Variants in PRR16 observed in about 807,000 individuals in gnomAD.
The protein encoded by PRR16 is proline rich 16.
Under a neutral mutation model 18.2 loss-of-function variants are expected in PRR16, and 6 were observed. That is an observed-to-expected ratio of 0.33 (90% confidence interval 0.18 to 0.65). The LOEUF is 0.65. Among genes scored for constraint, PRR16 ranks in the 30% least tolerant of loss-of-function variants. PRR16 has a pLI of 0.74. For missense variants in PRR16, 412 were observed against 376.6 expected (o/e 1.09, Z -0.78); for synonymous variants, 151 against 147.8 (o/e 1.02, Z -0.16).
intron 1 of PRR16, among the ~76,000 whole-genome samples, chr5:120,542,169 G>A (rs1163353624): frequency 1.3e-5 from 2 of 152,066 alleles, no homozygotes; most frequent in African/African-American, 2.4e-5. Flanking sequence ...TTAGTGCCTC[G>A]AGTCAGCTTG....
rs573194413 is a variant in PRR16 at position 120,640,774 on chromosome 5, A to C, written c.160-45180A>C. On this transcript the variant is annotated intron_variant, in intron 1 of 1. Transcript: ENST00000407149. Reference sequence around the variant, plus strand: ...AAAAATATAAACAAATCAAAACAAAACACAATTCTTCTCCCTTGCTTCTCT... The same window carrying C: ...AAAAATATAAACAAATCAAAACAAACCACAATTCTTCTCCCTTGCTTCTCT... Among the ~76,000 whole-genome samples, 29 of 152,224 alleles carry C rather than the reference A, an allele frequency of 1.9e-4. 2 individuals carry two copies. The South Asian group carries it at 4.8e-3, about 25-fold the overall frequency.
chr5:120,472,939 T>G (rs1184670418), intron 1 of PRR16, among the ~76,000 whole-genome samples: 1 of 152,200 alleles, frequency 6.6e-6, no homozygotes, highest in East Asian at 1.9e-4. Flanking sequence ...CATTGTAAAT[T>G]AAGCATATTC....
At position 120,508,680 on chromosome 5, in the gene PRR16, G is replaced by C. The variant is rs142072266; in HGVS notation, c.159+44035G>C. ...ATAAATTGTGTCTTTAATTAACAGA[G>C]ACTTATTTGGATAACGTCATTCTGC... On this transcript the variant is annotated intron_variant, in intron 1 of 1. Transcript: ENST00000407149. Among the ~76,000 whole-genome samples the C allele has an allele frequency of 8.1e-3, 1,228 of 152,150 alleles. 18 individuals carry two copies. Among genetic ancestry groups the C allele is most frequent in the African/African-American group, 0.028 (1,153 of 41,518 alleles).
At chr5:120,782,461 G>A in the PRR16 span, among the ~76,000 whole-genome samples, 13 of 152,242 alleles carry the variant, frequency 8.5e-5, no homozygotes, top group East Asian at 5.8e-4. Context: ...ACAGTGACAC[G>A]TGACTAGGAT....
the PRR16 span, among the ~76,000 whole-genome samples, chr5:120,757,379 C>T: frequency 1.4e-4 from 22 of 151,950 alleles, no homozygotes; most frequent in East Asian, 5.8e-4. Flanking sequence ...TGACAGTAAT[C>T]GCGTTGACTC....
intron 1 of PRR16, among the ~76,000 whole-genome samples, chr5:120,614,837 T>C (rs1470893245): frequency 1.3e-5 from 2 of 152,174 alleles, no homozygotes; most frequent in African/African-American, 2.4e-5. Flanking sequence ...CATGCAGAAT[T>C]TGGCTCTTTC....
At chr5:120,569,479 G>A (rs10519639) in intron 1 of PRR16, among the ~76,000 whole-genome samples, 31,827 of 152,076 alleles carry the variant, frequency 0.21, 3,501 homozygotes, top group Non-Finnish European at 0.21. Flanking sequence ...AATACGCACA[G>A]ATGCAGTGTG....
chr5:120,763,533 T>C, the PRR16 span, among the ~76,000 whole-genome samples: 3 of 152,146 alleles, frequency 2.0e-5, no homozygotes, highest in Non-Finnish European at 2.9e-5. Context: ...TTGCTTTGAC[T>C]GTTTGAGCTT....
the PRR16 span, among the ~76,000 whole-genome samples, chr5:120,733,016 G>GAAT: frequency 6.6e-6 from 1 of 152,180 alleles, no homozygotes; most frequent in Non-Finnish European, 1.5e-5. Flanking sequence ...TGACAAAATG[G>GAAT]AATGGAAGCC....
intron 1 of PRR16, among the ~76,000 whole-genome samples, chr5:120,647,110 T>C (rs1284919926): frequency 6.6e-6 from 1 of 151,922 alleles, no homozygotes; most frequent in Non-Finnish European, 1.5e-5. Flanking sequence ...AAATTATTAA[T>C]GATTTATAGA....
At chr5:120,676,543 T>TGTGTGC (rs1275205528) in intron 1 of PRR16, among the ~76,000 whole-genome samples, 2 of 150,654 alleles carry the variant, frequency 1.3e-5, no homozygotes, top group Non-Finnish European at 3.0e-5. Context: ...TGTGTGTGTG[T>TGTGTGC]GTGTGCGTGT....
At chr5:120,607,230 T>A (rs1291897922) in intron 1 of PRR16, among the ~76,000 whole-genome samples, 1 of 152,188 alleles carries the variant, frequency 6.6e-6, no homozygotes, top group Non-Finnish European at 1.5e-5. Flanking sequence ...AGAATATATA[T>A]CTTAGATTTC....
At chr5:120,471,879 A>G (rs544647526) in intron 1 of PRR16, among the ~76,000 whole-genome samples, 8 of 152,268 alleles carry the variant, frequency 5.3e-5, no homozygotes, top group African/African-American at 1.9e-4. Context: ...TAGACTCACA[A>G]GGTAGTCTGT....
chr5:120,744,230 G>C, the PRR16 span, among the ~76,000 whole-genome samples: 2 of 152,148 alleles, frequency 1.3e-5, no homozygotes, highest in Non-Finnish European at 2.9e-5. Context: ...GTATGTGAAA[G>C]CGCTGGCAGG....
intron 1 of PRR16, among the ~76,000 whole-genome samples, chr5:120,676,040 A>G (rs1756782868): frequency 6.6e-6 from 1 of 152,174 alleles, no homozygotes; most frequent in Non-Finnish European, 1.5e-5. Flanking sequence ...AATTTAGTAA[A>G]AATTTTTAAG....
intron 1 of PRR16, among the ~76,000 whole-genome samples, chr5:120,480,145 C>A (rs576164335): frequency 6.6e-6 from 1 of 152,050 alleles, no homozygotes; most frequent in Non-Finnish European, 1.5e-5. Context: ...CACAGCAGTA[C>A]GAGCCTGTAA....
At chr5:120,610,660 A>G (rs1490899914) in intron 1 of PRR16, among the ~76,000 whole-genome samples, 1 of 152,138 alleles carries the variant, frequency 6.6e-6, no homozygotes, top group Admixed American at 6.5e-5. Context: ...GCCATGTAAG[A>G]AGTGCCCTTC....
At chr5:120,664,289 ACT>A (rs1299665587) in intron 1 of PRR16, among the ~76,000 whole-genome samples, 2 of 146,464 alleles carry the variant, frequency 1.4e-5, no homozygotes, top group African/African-American at 5.0e-5. Context: ...ACAGAGTGAA[ACT>A]CTGTCTCAAA....
intron 1 of PRR16, among the ~76,000 whole-genome samples, chr5:120,562,589 G>A (rs1373358183): frequency 6.6e-6 from 1 of 151,816 alleles, no homozygotes; most frequent in Non-Finnish European, 1.5e-5. Flanking sequence ...TTTAATTAAA[G>A]TGATTTTCTC....
Sources: gnomAD v4.1 joint callset for allele counts (sites outside exome capture counted in the v4.1 genomes callset) on GRCh38, gnomAD v4.1.1 for gene constraint, MANE v1.5 for transcripts, NCBI Gene and HGNC (gene_info 2026-07-23, HGNC 2026-07-21) for gene names.